Variants in INPP5A observed in about 807,000 individuals in gnomAD.
The protein encoded by INPP5A is inositol polyphosphate-5-phosphatase A.
Under a neutral mutation model 65.2 loss-of-function variants are expected in INPP5A, and 14 were observed. The ratio of observed to expected loss-of-function variants is 0.21; its 90% CI spans 0.14 to 0.34. INPP5A has a LOEUF of 0.34. INPP5A is among the 10% of genes least tolerant of loss of function. The pLI is 1.00. For missense variants in INPP5A, 431 were observed against 545.6 expected (o/e 0.79, Z 2.09); for synonymous variants, 207 against 208.3 (o/e 0.99, Z 0.05).
intron 9 of INPP5A, among the ~76,000 whole-genome samples, chr10:132,738,211 TG>T (rs1292810668): frequency 2.0e-5 from 3 of 152,184 alleles, no homozygotes; most frequent in African/African-American, 7.2e-5. Flanking sequence ...AAGAAACCCA[TG>T]GGAAAGGTAG....
At chr10:132,747,623 C>T (rs768391560) in intron 9 of INPP5A, among the ~76,000 whole-genome samples, 1 of 152,234 alleles carries the variant, frequency 6.6e-6, no homozygotes, top group Non-Finnish European at 1.5e-5. Context: ...GGCCAGCGCC[C>T]GGGGCACCGA....
intron 7 of INPP5A, 122 bp from the exon 8 acceptor site, chr10:132,710,215 G>T: frequency 8.7e-7 from 1 of 1,147,706 alleles, no homozygotes; most frequent in East Asian, 2.6e-5. Context: ...GCCCCGCCTC[G>T]GGTGGCTCCG....
rs1846543478 is a variant in INPP5A, at chr10:132,753,962, T to C, written c.903+4117T>C. ...AAAAATCTCAGAGAGATACAAATTATCAATTCAACAGCAACGTGCGCAGTT... is the reference window on the plus strand; with the variant it reads ...AAAAATCTCAGAGAGATACAAATTACCAATTCAACAGCAACGTGCGCAGTT... On this transcript the variant is annotated intron_variant, in intron 11 of 15. Transcript: ENST00000368594. This position sits in a 1 kb window ranked among gnomAD's most constrained non-coding sequence, Gnocchi z 5.3. The C allele has an allele frequency of 1.3e-5, 2 of 152,252 alleles. No homozygotes were observed. Among genetic ancestry groups the C allele is most frequent in the Non-Finnish European group, 2.9e-5 (2 of 68,040 alleles). 9.4% of individuals were successfully genotyped at this position (152,252 alleles called of 1,614,324 possible).
rs1846499531 is a variant in INPP5A at position 132,752,255 on chromosome 10, A to C, written c.903+2410A>C. Among the ~76,000 whole-genome samples the C allele has an allele frequency of 2.6e-5, 4 of 152,100 alleles. No individual in the cohort carries two copies. The South Asian group carries it at 8.3e-4, about 32-fold the overall frequency. On this transcript the variant is annotated intron_variant, in intron 11 of 15. Transcript: ENST00000368594. The stretch of plus-strand genomic sequence containing the variant: ...AGTCTCCGGGGACCTTGCACAGGGC[A>C]TGAAAAAGTGGAGGGTCCCTTGGAG...
intron 2 of INPP5A, among the ~76,000 whole-genome samples, chr10:132,626,405 A>G (rs2072184677): frequency 6.6e-6 from 1 of 152,212 alleles, no homozygotes; most frequent in Non-Finnish European, 1.5e-5. Flanking sequence ...TGAAGGCTTC[A>G]AGGAGCTGCC....
At chr10:132,544,917 C>G (rs146055228) in intron 1 of INPP5A, among the ~76,000 whole-genome samples, 1 of 147,030 alleles carries the variant, frequency 6.8e-6, no homozygotes, top group Non-Finnish European at 1.5e-5. Context: ...TTAGATCACC[C>G]GGGTTAGGGG....
At chr10:132,600,317 A>G (rs1451761494) in intron 1 of INPP5A, among the ~76,000 whole-genome samples, 1 of 152,186 alleles carries the variant, frequency 6.6e-6, no homozygotes, top group East Asian at 1.9e-4. Context: ...TCAAAGTTCC[A>G]CACATCTCTA....
chr10:132,575,241 C>T lies in INPP5A; in HGVS notation c.76-32674C>T, dbSNP rs754160361. ...CCTGACCTGTGTGCTGAAGGGCGGCCGCCTGATGTCTGCCTGCTTTTGGCA... is the reference window on the plus strand; with the variant it reads ...CCTGACCTGTGTGCTGAAGGGCGGCTGCCTGATGTCTGCCTGCTTTTGGCA... On this transcript the variant is annotated intron_variant, in intron 1 of 15. Transcript: ENST00000368594. This position sits in a 1 kb window ranked among gnomAD's most constrained non-coding sequence, Gnocchi z 5.4. Among the ~76,000 whole-genome samples, 7 of 152,204 alleles carry T rather than the reference C, an allele frequency of 4.6e-5. No individual in the cohort carries two copies. The highest frequency in any genetic ancestry group is 1.9e-4 in the East Asian group (1 of 5,196).
intron 1 of INPP5A, among the ~76,000 whole-genome samples, chr10:132,567,565 A>G (rs997940425): frequency 1.3e-5 from 2 of 152,208 alleles, no homozygotes; most frequent in Non-Finnish European, 2.9e-5. Context: ...GGATGGTAAC[A>G]CGGGACACTA....
chr10:132,569,648 C>T (rs912716948), intron 1 of INPP5A, among the ~76,000 whole-genome samples: 21 of 152,118 alleles, frequency 1.4e-4, no homozygotes, highest in African/African-American at 3.6e-4. Flanking sequence ...TGAGCCACCT[C>T]GCTGGGTCCC....
intron 2 of INPP5A, among the ~76,000 whole-genome samples, chr10:132,645,452 A>AC (rs2072480897): frequency 6.6e-6 from 1 of 152,162 alleles, no homozygotes; most frequent in Non-Finnish European, 1.5e-5. Context: ...ACACGTATGC[A>AC]CACGTGTGCA....
rs748943368 is a variant in INPP5A, at chr10:132,782,120, C to T, written c.*91C>T. The stretch of plus-strand genomic sequence containing the variant: ...GAATACGCACTCTTGAAAGCTGCAT[C>T]GAGAACCCGCCCAAGCGCCACCTGC... On this transcript the variant is annotated 3_prime_UTR_variant, in exon 16 of 16. Coordinates refer to ENST00000368594, the MANE Select transcript of INPP5A (RefSeq NM_005539.5). This position sits in a 1 kb window ranked among gnomAD's most constrained non-coding sequence, Gnocchi z 4.4. 2.0e-6 allele frequency: 3 copies of T among 1,530,758 alleles called. No homozygotes were observed. The highest frequency in any genetic ancestry group is 8.8e-7 in the Non-Finnish European group (1 of 1,134,160). The allele number at this position is 1,530,758 out of a possible 1,614,324, so 94.8% of individuals were successfully genotyped here.
At position 132,728,918 on chromosome 10, in the gene INPP5A, C is replaced by T. The variant is rs973186441; in HGVS notation, c.732+2013C>T. On this transcript the variant is annotated intron_variant, in intron 9 of 15. Coordinates refer to ENST00000368594, the MANE Select transcript of INPP5A (RefSeq NM_005539.5). ...CGGGGGCAGTGGGAAGCCTGGGCTC[C>T]GGTGCCTGTGGGGCTTGTGTGGCCG... 7.2e-5 allele frequency among the ~76,000 whole-genome samples: 11 copies of T among 152,050 alleles called. No homozygotes were observed. In the South Asian group the frequency reaches 8.3e-4, roughly 11 times the overall value.
intron 11 of INPP5A, among the ~76,000 whole-genome samples, chr10:132,761,034 C>G (rs2134665656): frequency 6.6e-6 from 1 of 152,344 alleles, no homozygotes; most frequent in East Asian, 1.9e-4. Flanking sequence ...TTGGCAAAAG[C>G]AAAACACAAA....
chr10:132,567,395 C>T (rs1480305464), intron 1 of INPP5A, among the ~76,000 whole-genome samples: 2 of 152,254 alleles, frequency 1.3e-5, no homozygotes, highest in African/African-American at 4.8e-5. Flanking sequence ...CTTCTCCCTT[C>T]TCGGCCTCCC....
intron 8 of INPP5A, among the ~76,000 whole-genome samples, chr10:132,723,691 C>T (rs967230825): frequency 2.0e-5 from 3 of 151,966 alleles, no homozygotes; most frequent in East Asian, 3.9e-4. Flanking sequence ...GGGGATTGGC[C>T]ATGTGGGGAT....
At chr10:132,548,787 T>C (rs2071012242) in intron 1 of INPP5A, among the ~76,000 whole-genome samples, 1 of 150,298 alleles carries the variant, frequency 6.7e-6, no homozygotes. Flanking sequence ...CAGCAGTTTA[T>C]CTGGCTTTTT....
intron 3 of INPP5A, 35 bp downstream of exon 3, chr10:132,646,003 T>C (rs762515914): frequency 1.4e-6 from 2 of 1,459,656 alleles, no homozygotes; most frequent in African/African-American, 2.8e-5. Context: ...GCATGTCCAC[T>C]TCCCAGGGGT....
Position 132,650,094 on chromosome 10 carries a change from G to T in INPP5A, c.219-324G>T, listed in dbSNP as rs568856182. On this transcript the variant is annotated intron_variant, in intron 3 of 15. Transcript: ENST00000368594. This position sits in a 1 kb window ranked among gnomAD's most constrained non-coding sequence, Gnocchi z 5.5. ...GCGTGAGCTATCAGGAGAGCCCCCA[G>T]AGCTTGGAGTTGCGCTTCCCTGGCA... Among the ~76,000 whole-genome samples, 1 of 152,308 alleles carries T rather than the reference G, an allele frequency of 6.6e-6. No individual in the cohort carries two copies. The highest frequency in any genetic ancestry group is 2.1e-4 in the South Asian group (1 of 4,828).
Sources: gnomAD v4.1 joint callset for allele counts (sites outside exome capture counted in the v4.1 genomes callset) on GRCh38, gnomAD v4.1.1 for gene constraint, Gnocchi (gnomAD v3.1) non-coding constraint, MANE v1.5 for transcripts, NCBI Gene and HGNC (gene_info 2026-07-23, HGNC 2026-07-21) for gene names.